The following AKT3 variants were observed in gnomAD, a reference collection of about 807,000 sequenced individuals.
The protein encoded by AKT3 is AKT serine/threonine kinase 3, also known as RAC-gamma serine/threonine-protein kinase.
In AKT3, 15 loss-of-function variants were observed where a neutral mutation model predicts 65.3. That is an observed-to-expected ratio of 0.23 (90% CI 0.15 to 0.35). The LOEUF (loss-of-function observed/expected upper bound fraction) is 0.35. Ranked by LOEUF, AKT3 falls within the 10% of genes least tolerant of loss-of-function variation. The pLI, the probability that AKT3 is intolerant of heterozygous loss-of-function variation, is 1.00. For missense variants in AKT3, 243 were observed against 576.5 expected, an observed-to-expected ratio of 0.42 and a Z score of 5.92; for synonymous variants, 206 against 183.8, an observed-to-expected ratio of 1.12 and a Z score of -0.98.
At chr1:243,782,795 TAC>T (rs929017997) in intron 2 of AKT3, among the ~76,000 whole-genome samples, 10 of 152,114 alleles carry the variant, frequency 6.6e-5, no homozygotes, top group African/African-American at 2.4e-4. Context: ...CATGCACACA[TAC>T]ACACCCCATT....
In AKT3 at chr1:243,850,069, C is replaced by A; in HGVS notation, c.-142G>T. ...AACGGCGGCGGCGGCGGTGGCGGCC[C>A]CGCAGCTGCTCGGGCGGCGGCGGAG... On this transcript the variant is annotated 5_prime_UTR_variant, in exon 1 of 14. Transcript: ENST00000673466. 4 of 953,462 alleles carry A rather than the reference C, an allele frequency of 4.2e-6. No individual in the cohort carries two copies. The highest frequency in any genetic ancestry group is 1.2e-4 in the East Asian group (1 of 8,140). 59.1% of individuals were successfully genotyped at this position (953,462 alleles called of 1,614,324 possible).
chr1:243,840,773 A>C (rs1490663109), intron 2 of AKT3, among the ~76,000 whole-genome samples: 1 of 152,084 alleles, frequency 6.6e-6, no homozygotes, highest in Non-Finnish European at 1.5e-5. Context: ...GAACACTCTA[A>C]AGTTAACTGT....
intron 2 of AKT3, among the ~76,000 whole-genome samples, chr1:243,795,449 G>GTTTTGTTTTTTTTTTTTTTTTT (rs1691898953): frequency 1.1e-5 from 1 of 93,504 alleles, no homozygotes; most frequent in African/African-American, 4.9e-5. Flanking sequence ...TGATCTCCTT[G>GTTTTGTTTTTTTTTTTTTTTTT]TTTTTTTTTT....
chr1:243,716,721 G>C (rs1393710421), intron 2 of AKT3, among the ~76,000 whole-genome samples: 1 of 152,140 alleles, frequency 6.6e-6, no homozygotes, highest in Non-Finnish European at 1.5e-5. Context: ...TTATAATGAT[G>C]TTGTGGAAAA....
intron 13 of AKT3, 98 bp from the exon 14 acceptor site, chr1:243,505,432 A>G (rs1368120152): frequency 1.0e-6 from 1 of 999,730 alleles, no homozygotes; most frequent in Non-Finnish European, 1.5e-6. Flanking sequence ...GGAAAGATGA[A>G]CAGAGGCAAT....
chr1:243,646,901 G>A (rs1032064738), intron 4 of AKT3, among the ~76,000 whole-genome samples: 8 of 152,006 alleles, frequency 5.3e-5, no homozygotes, highest in Admixed American at 6.6e-5. Flanking sequence ...TTTATATCAA[G>A]CATTTATTTT....
chr1:243,794,974 T>C (rs550222568), intron 2 of AKT3, among the ~76,000 whole-genome samples: 1 of 152,198 alleles, frequency 6.6e-6, no homozygotes, highest in Admixed American at 6.5e-5. Flanking sequence ...TTTACCCTCA[T>C]GGATTTCTGC....
intron 12 of AKT3, among the ~76,000 whole-genome samples, chr1:243,527,019 C>T (rs541957946): frequency 6.6e-6 from 1 of 151,920 alleles, no homozygotes; most frequent in Non-Finnish European, 1.5e-5. Context: ...ACAGCAAATA[C>T]GTAAGAAAAT....
At chr1:243,820,200 T>A (rs1452881359) in intron 2 of AKT3, among the ~76,000 whole-genome samples, 2 of 152,074 alleles carry the variant, frequency 1.3e-5, no homozygotes, top group Non-Finnish European at 2.9e-5. Flanking sequence ...ATTACAGGCG[T>A]AAGCCACCAC....
intron 2 of AKT3, among the ~76,000 whole-genome samples, chr1:243,761,254 C>A (rs897414527): frequency 1.3e-5 from 2 of 152,020 alleles, no homozygotes; most frequent in African/African-American, 4.8e-5. Flanking sequence ...TAAAACTATA[C>A]AAGAGACATG....
chr1:243,724,495 T>C (rs1687094926), intron 2 of AKT3, among the ~76,000 whole-genome samples: 1 of 152,206 alleles, frequency 6.6e-6, no homozygotes, highest in Non-Finnish European at 1.5e-5. Flanking sequence ...AATTTTTTCC[T>C]ACATTATAAG....
intron 6 of AKT3, among the ~76,000 whole-genome samples, chr1:243,628,305 T>A (rs1486924791): frequency 1.4e-5 from 2 of 138,064 alleles, no homozygotes; most frequent in Non-Finnish European, 3.1e-5. Context: ...GAAGAAAACC[T>A]TTTTTTTTTT....
chr1:243,649,333 G>A (rs1464588579), intron 4 of AKT3, among the ~76,000 whole-genome samples: 25 of 150,368 alleles, frequency 1.7e-4, no homozygotes, highest in Admixed American at 7.3e-4. Flanking sequence ...GTGTGTGTGT[G>A]TGTGTGTGTG....
At chr1:243,729,622 TA>T (rs1239732552) in intron 2 of AKT3, among the ~76,000 whole-genome samples, 1 of 152,130 alleles carries the variant, frequency 6.6e-6, no homozygotes, top group African/African-American at 2.4e-5. Flanking sequence ...AACTGTTAGG[TA>T]AATAATTATA....
At chr1:243,626,093 G>A (rs2148631712) in intron 6 of AKT3, among the ~76,000 whole-genome samples, 1 of 152,248 alleles carries the variant, frequency 6.6e-6, no homozygotes, top group East Asian at 1.9e-4. Flanking sequence ...TTAAATCATG[G>A]TAAATACTGT....
rs558972223 is a variant in AKT3 at position 243,576,241 on chromosome 1, T to C, written c.697-3193A>G. Among the ~76,000 whole-genome samples, 81 of 152,204 alleles carry C rather than the reference T, an allele frequency of 5.3e-4. 2 individuals are homozygous for C. The South Asian group carries it at 0.016, about 31-fold the overall frequency. On this transcript the variant is annotated intron_variant, in intron 8 of 13. Transcript: ENST00000673466. ...GATATTGAAGGAACATACATCAAAA[T>C]AATAAGAGCTATTTATGACAAACCC...
intron 2 of AKT3, among the ~76,000 whole-genome samples, chr1:243,710,721 T>G (rs542844062): frequency 6.2e-4 from 94 of 152,218 alleles, no homozygotes; most frequent in Non-Finnish European, 1.2e-3. Context: ...GACTTCCTCA[T>G]GTCGACCAAA....
At chr1:243,632,602 TGA>T (rs1457238105) in intron 6 of AKT3, among the ~76,000 whole-genome samples, 1 of 152,204 alleles carries the variant, frequency 6.6e-6, no homozygotes, top group Non-Finnish European at 1.5e-5. Context: ...TAGCCACTAC[TGA>T]GAGAGTCAAT....
At chr1:243,665,161 G>A (rs1420522042) in intron 3 of AKT3, among the ~76,000 whole-genome samples, 1 of 152,078 alleles carries the variant, frequency 6.6e-6, no homozygotes, top group Non-Finnish European at 1.5e-5. Flanking sequence ...AGCTGTTCTT[G>A]CTATCTGAAA....
Sources: gnomAD v4.1 joint callset for allele counts (sites outside exome capture counted in the v4.1 genomes callset) on GRCh38, gnomAD v4.1.1 for gene constraint, MANE v1.5 for transcripts, NCBI Gene and HGNC (gene_info 2026-07-23, HGNC 2026-07-21) for gene names.